MUCL1: variants seen among roughly 807,000 people sequenced by gnomAD.
The protein encoded by MUCL1 is mucin like 1.
Under a neutral mutation model 9.2 loss-of-function variants are expected in MUCL1, and 11 were observed. The ratio of observed to expected loss-of-function variants is 1.19; its 90% CI spans 0.75 to 1.97. The LOEUF (loss-of-function observed/expected upper bound fraction) is 1.97. Ranked by LOEUF, MUCL1 falls within the 30% of genes most tolerant of loss-of-function variation. MUCL1 has a pLI of 0.00. For synonymous variants in MUCL1, 48 were observed against 40.5 expected (o/e 1.19, Z -0.71); for missense variants, 144 against 110.9 (o/e 1.30, Z -1.34).
At chr12:54,851,014 T>C (rs1358840754), upstream of MUCL1, among the ~76,000 whole-genome samples, 1 of 152,214 alleles carries the variant, frequency 6.6e-6, no homozygotes, top group African/African-American at 2.4e-5. Context: ...GTTGTTTGTT[T>C]TTTTCTTGTA....
upstream of MUCL1, among the ~76,000 whole-genome samples, chr12:54,837,283 G>T (rs1262284183): frequency 2.6e-5 from 4 of 152,078 alleles, no homozygotes; most frequent in African/African-American, 9.7e-5. Context: ...GCAATATATT[G>T]AGGATTGTAA....
Position 54,856,787 on chromosome 12 carries a change from G to A in MUCL1, c.118G>A (p.Glu40Lys), listed in dbSNP as rs768368179. The change falls in exon 3 of 4, where the codon GAA (glutamate) becomes AAA (lysine). Residue 40 changes from glutamate (E) to lysine (K), a missense_variant. By Grantham distance (56) the Glu-to-Lys change is moderately conservative (BLOSUM62 1). Coordinates refer to ENST00000308796, the MANE Select transcript of MUCL1 (RefSeq NM_058173.3). ...AATTTCAGCTGGTCCTGCTGATGAT[G>A]AAGCCCCTGATGCTGAAACCACTGC... ...TYPATGPADD[E>K]APDAETTAAA... 1.9e-6 allele frequency: 3 copies of A among 1,612,832 alleles called. No individual in the cohort carries two copies. Among genetic ancestry groups the A allele is most frequent in the South Asian group, 1.1e-5 (1 of 91,032 alleles).
upstream of MUCL1, among the ~76,000 whole-genome samples, chr12:54,851,109 T>C (rs1222383925): frequency 6.6e-6 from 1 of 152,192 alleles, no homozygotes; most frequent in Non-Finnish European, 1.5e-5. Flanking sequence ...ATTCTGTAGG[T>C]TGCCTGTTCA....
At chr12:54,839,833 C>T (rs1190250081) in intron 1 of MUCL1, among the ~76,000 whole-genome samples, 1 of 152,156 alleles carries the variant, frequency 6.6e-6, no homozygotes, top group Non-Finnish European at 1.5e-5. Context: ...AACTGTGTCA[C>T]CTGTGGTGGG....
upstream of MUCL1, among the ~76,000 whole-genome samples, chr12:54,853,263 T>G (rs1227717681): frequency 6.6e-6 from 1 of 152,208 alleles, no homozygotes; most frequent in Non-Finnish European, 1.5e-5. Flanking sequence ...TGATTCTGGG[T>G]ATTCCAAATG....
intron 1 of MUCL1, among the ~76,000 whole-genome samples, chr12:54,841,169 T>C (rs1475370072): frequency 6.6e-6 from 1 of 152,232 alleles, no homozygotes; most frequent in Non-Finnish European, 1.5e-5. Context: ...AAGGGCTTCC[T>C]TCTTCTTTTA....
In MUCL1 at chr12:54,842,568, A is replaced by T. The variant is rs191886305; in HGVS notation, c.43+3121A>T. Among the ~76,000 whole-genome samples the T allele has an allele frequency of 9.3e-4, 141 of 152,270 alleles. 3 individuals are homozygous for T. The highest frequency in any genetic ancestry group is 2.3e-3 in the East Asian group (12 of 5,182). ...CTGGTTCATCCATGTTGCCATAAAT[A>T]CACAAATACGTACATTGTTATAGTC... On this transcript the variant is annotated intron_variant, in intron 1 of 3. Coordinates refer to the MUCL1 transcript ENST00000546809.
In MUCL1 at chr12:54,856,893, G is replaced by A. The variant is rs556943211; in HGVS notation, c.223+1G>A. 6.2e-7 allele frequency: 1 copy of A among 1,613,618 alleles called. No homozygotes were observed. Among genetic ancestry groups the A allele is most frequent in the East Asian group, 2.2e-5 (1 of 44,858 alleles). On this transcript the variant is annotated splice_donor_variant, in intron 3 of 3. Coordinates refer to ENST00000308796, the MANE Select transcript of MUCL1 (RefSeq NM_058173.3). LOFTEE classifies it high-confidence loss of function. Reference sequence around the variant, plus strand: ...ACCACTGCTCGTAAAGACATTCCAGGTAGCAAGACTCCTCCATCTGTGTGC... The same window carrying A: ...ACCACTGCTCGTAAAGACATTCCAGATAGCAAGACTCCTCCATCTGTGTGC...
chr12:54,840,202 C>T (rs894744947), intron 1 of MUCL1, among the ~76,000 whole-genome samples: 1 of 152,116 alleles, frequency 6.6e-6, no homozygotes, highest in Non-Finnish European at 1.5e-5. Context: ...GTACCAGGAC[C>T]AGTTCTGATG....
chr12:54,839,354 C>A (rs920637873), upstream of MUCL1: 2 of 700,770 alleles, frequency 2.9e-6, no homozygotes, highest in African/African-American at 3.5e-5. Flanking sequence ...TATTAATTTT[C>A]TCCCTCAGTA....
intron 1 of MUCL1, among the ~76,000 whole-genome samples, chr12:54,841,476 C>T (rs1238270634): frequency 6.6e-6 from 1 of 152,170 alleles, no homozygotes; most frequent in Non-Finnish European, 1.5e-5. Flanking sequence ...TACAAATGTT[C>T]CTTTTCCTCC....
intron 1 of MUCL1, among the ~76,000 whole-genome samples, chr12:54,842,452 A>T (rs1959216915): frequency 6.6e-6 from 1 of 152,152 alleles, no homozygotes; most frequent in Admixed American, 6.5e-5. Context: ...GGGGATTGCT[A>T]AATCAAGTTA....
intron 1 of MUCL1, among the ~76,000 whole-genome samples, chr12:54,839,889 C>G (rs1436255610): frequency 6.6e-6 from 1 of 152,176 alleles, no homozygotes; most frequent in Admixed American, 6.5e-5. Flanking sequence ...TGTGGCGGAG[C>G]TGCAGACTTT....
At chr12:54,832,198 AT>A (rs769817382) in intron 1 of MUCL1, among the ~76,000 whole-genome samples, 1 of 152,118 alleles carries the variant, frequency 6.6e-6, no homozygotes, top group Non-Finnish European at 1.5e-5. Context: ...GCTGGCTAAG[AT>A]TTGAATTCCT....
chr12:54,849,868 A>G (rs1959310925), upstream of MUCL1, among the ~76,000 whole-genome samples: 1 of 152,296 alleles, frequency 6.6e-6, no homozygotes, highest in African/African-American at 2.4e-5. Flanking sequence ...AAAATCCAAT[A>G]ACTTCAGAAA....
rs752201508 is a variant in MUCL1 at position 54,858,149 on chromosome 12, C to T, written c.224-44C>T. ...TTCTGAAGAATAAATCCACATTCTT[C>T]ATCCTTTGTCGAAGCCCCTTGACAA... On this transcript the variant is annotated intron_variant, in intron 3 of 3. Coordinates refer to ENST00000308796, the MANE Select transcript of MUCL1 (RefSeq NM_058173.3). The T allele has an allele frequency of 4.3e-6, 7 of 1,610,574 alleles. No homozygotes were observed. In the South Asian group the frequency reaches 7.7e-5, roughly 18 times the overall value.
At chr12:54,852,664 G>A (rs1868264052), upstream of MUCL1, among the ~76,000 whole-genome samples, 1 of 152,156 alleles carries the variant, frequency 6.6e-6, no homozygotes, top group South Asian at 2.1e-4. Context: ...TCTTAAGTCT[G>A]TGTGGTGGGT....
At chr12:54,837,155 T>C (rs1262474612), upstream of MUCL1, among the ~76,000 whole-genome samples, 1 of 152,142 alleles carries the variant, frequency 6.6e-6, no homozygotes, top group Non-Finnish European at 1.5e-5. Flanking sequence ...GCCTCAATGG[T>C]CTATCTAGTG....
intron 1 of MUCL1, among the ~76,000 whole-genome samples, chr12:54,840,043 G>T (rs1959202142): frequency 6.6e-6 from 1 of 152,164 alleles, no homozygotes; most frequent in South Asian, 2.1e-4. Flanking sequence ...GCCCCTGGAA[G>T]TAAGAGTCCC....
Sources: allele counts gnomAD v4.1 joint callset (sites outside exome capture counted in the v4.1 genomes callset), GRCh38; gene constraint gnomAD v4.1.1; transcripts MANE v1.5; gene names NCBI Gene and HGNC (gene_info 2026-07-23, HGNC 2026-07-21).